The following PCDH15 variants were observed in gnomAD, a reference collection of about 807,000 sequenced individuals.
PCDH15 encodes the protein protocadherin-15.
In PCDH15, 129 loss-of-function variants were observed where a neutral mutation model predicts 178.5. The observed-to-expected ratio is 0.72, with a 90% CI of 0.63 to 0.84. The LOEUF (loss-of-function observed/expected upper bound fraction) is 0.84, where lower values mean the gene tolerates loss of function less well. PCDH15 is among the 40% of genes least tolerant of loss of function. The pLI, the probability that PCDH15 is intolerant of heterozygous loss-of-function variation, is 0.00. For synonymous variants in PCDH15, 800 were observed against 732.0 expected (o/e 1.09, Z -1.50); for missense variants, 2,230 against 2,099.9 (o/e 1.06, Z -1.21).
rs192661337 is a variant in PCDH15, at chr10:54,992,616, G to A, written c.-79-95116C>T. Among the ~76,000 whole-genome samples the A allele has an allele frequency of 3.8e-3, 580 of 152,076 alleles. 2 individuals carry two copies. The highest frequency in any genetic ancestry group is 0.013 in the African/African-American group (560 of 41,508). ...AAATACAAAAAAAAATTAGCCGGGC[G>A]TGGTGGCAGGCGCTTGTAGTCCCAG... is the stretch of plus-strand genomic sequence containing the variant. On this transcript the variant is annotated intron_variant, in intron 2 of 5. Transcript: ENST00000458638.
At chr10:54,443,043 G>C (rs1418858315) in intron 3 of PCDH15, among the ~76,000 whole-genome samples, 1 of 151,686 alleles carries the variant, frequency 6.6e-6, no homozygotes, top group Non-Finnish European at 1.5e-5. Context: ...AGCGTGAGAT[G>C]TGGGTGGCAT....
chr10:55,200,113 A>G (rs1840202954), intron 1 of PCDH15, among the ~76,000 whole-genome samples: 1 of 152,110 alleles, frequency 6.6e-6, no homozygotes, highest in African/African-American at 2.4e-5. Flanking sequence ...TCAGAATGGT[A>G]GATCCACTGC....
intron 2 of PCDH15, among the ~76,000 whole-genome samples, chr10:55,073,002 T>C (rs1361537927): frequency 1.3e-5 from 2 of 152,152 alleles, no homozygotes; most frequent in South Asian, 2.1e-4. Flanking sequence ...AAAAACCACA[T>C]GATTATCTCA....
intron 2 of PCDH15, among the ~76,000 whole-genome samples, chr10:55,555,178 G>A (rs1452913867): frequency 6.6e-6 from 1 of 152,000 alleles, no homozygotes; most frequent in African/African-American, 2.4e-5. Flanking sequence ...ACTATTTTAA[G>A]AAATCACTCT....
chr10:54,600,097 A>C, intron 2 of PCDH15: 2 of 1,025,862 alleles, frequency 1.9e-6, no homozygotes, highest in East Asian at 5.4e-5. Context: ...GAAGGTAGAG[A>C]AAAAGGAAGA....
intron 2 of PCDH15, among the ~76,000 whole-genome samples, chr10:55,373,739 T>C (rs958218234): frequency 6.6e-6 from 1 of 152,036 alleles, no homozygotes; most frequent in Non-Finnish European, 1.5e-5. Flanking sequence ...TGAGCTTTGG[T>C]CCATGCCTAT....
At chr10:54,531,315 T>A (rs1378195035) in intron 2 of PCDH15, among the ~76,000 whole-genome samples, 1 of 152,196 alleles carries the variant, frequency 6.6e-6, no homozygotes, top group Non-Finnish European at 1.5e-5. Context: ...TGAATACCAA[T>A]AACTGAATGC....
chr10:55,287,983 G>A (rs1315754539), intron 1 of PCDH15, among the ~76,000 whole-genome samples: 2 of 151,330 alleles, frequency 1.3e-5, no homozygotes, highest in African/African-American at 4.8e-5. Context: ...ATTAATCAAA[G>A]TATTGAGATA....
At chr10:55,391,944 A>C (rs952892517) in intron 2 of PCDH15, among the ~76,000 whole-genome samples, 9 of 152,190 alleles carry the variant, frequency 5.9e-5, no homozygotes, top group African/African-American at 1.9e-4. Context: ...ACAGACATGC[A>C]ACTCTTCCTT....
At chr10:54,462,677 T>C (rs542400520) in intron 3 of PCDH15, among the ~76,000 whole-genome samples, 59 of 137,934 alleles carry the variant, frequency 4.3e-4, no homozygotes, top group African/African-American at 1.6e-3. Flanking sequence ...CCACACCTGC[T>C]TAATTTTTTT....
chr10:54,950,254 T>G (rs1838304715), intron 2 of PCDH15, among the ~76,000 whole-genome samples: 1 of 151,958 alleles, frequency 6.6e-6, no homozygotes. Context: ...AGGCATCTTC[T>G]TCACAAGGCA....
intron 2 of PCDH15, among the ~76,000 whole-genome samples, chr10:55,150,892 A>G (rs1000219307): frequency 6.6e-6 from 1 of 152,132 alleles, no homozygotes; most frequent in East Asian, 1.9e-4. Flanking sequence ...TAATACTAAA[A>G]TAAGAAAATT....
At chr10:54,684,086 T>G (rs998315612) in intron 1 of PCDH15, among the ~76,000 whole-genome samples, 1 of 152,000 alleles carries the variant, frequency 6.6e-6, no homozygotes, top group African/African-American at 2.4e-5. Flanking sequence ...AATAATAAAA[T>G]AGCGATATTT....
chr10:55,506,816 A>T (rs968958594), intron 2 of PCDH15, among the ~76,000 whole-genome samples: 1 of 151,500 alleles, frequency 6.6e-6, no homozygotes, highest in African/African-American at 2.4e-5. Flanking sequence ...CAATTTCATA[A>T]TACATTTTTT....
chr10:53,892,201 G>A (rs1421199946), intron 26 of PCDH15, among the ~76,000 whole-genome samples: 2 of 151,184 alleles, frequency 1.3e-5, no homozygotes, highest in Admixed American at 1.3e-4. Context: ...ATTTTTTGTA[G>A]TTTTTAGTAG....
At chr10:54,383,310 C>A (rs1437101070) in intron 3 of PCDH15, among the ~76,000 whole-genome samples, 2 of 151,676 alleles carry the variant, frequency 1.3e-5, no homozygotes, top group East Asian at 3.9e-4. Flanking sequence ...TTCACAGTAA[C>A]CGTTGATAAC....
At chr10:54,341,603 T>C (rs539277790) in intron 6 of PCDH15, among the ~76,000 whole-genome samples, 38 of 152,306 alleles carry the variant, frequency 2.5e-4, no homozygotes, top group African/African-American at 8.2e-4. Flanking sequence ...CCTGAAAATA[T>C]AGAAGCAACT....
intron 2 of PCDH15, among the ~76,000 whole-genome samples, chr10:55,606,368 C>A (rs1486521944): frequency 2.5e-3 from 356 of 142,566 alleles, no homozygotes; most frequent in African/African-American, 9.0e-3. Context: ...GCTACCAATG[C>A]CTTTCTTCAC....
chr10:54,846,928 C>T (rs371694765), intron 3 of PCDH15, among the ~76,000 whole-genome samples: 21 of 152,252 alleles, frequency 1.4e-4, no homozygotes, highest in East Asian at 9.6e-4. Flanking sequence ...ATATAATGCA[C>T]GTGTTGTACA....
Sources: gnomAD v4.1 joint callset for allele counts (sites outside exome capture counted in the v4.1 genomes callset) on GRCh38, gnomAD v4.1.1 for gene constraint, MANE v1.5 for transcripts, NCBI Gene and HGNC (gene_info 2026-07-23, HGNC 2026-07-21) for gene names.